Variants in VSTM2A observed in about 807,000 individuals in gnomAD.
The protein encoded by VSTM2A is V-set and transmembrane domain containing 2A, also known as V-set and transmembrane domain-containing protein 2A.
A neutral mutation model predicts 27.3 loss-of-function variants in VSTM2A; 13 were observed. The observed-to-expected ratio is 0.48, with a 90% CI of 0.31 to 0.76. VSTM2A has a LOEUF of 0.76. VSTM2A is among the 30% of genes least tolerant of loss of function. VSTM2A has a pLI of 0.05. For missense variants in VSTM2A, 280 were observed against 310.0 expected (o/e 0.90, Z 0.73); for synonymous variants, 142 against 125.7 (o/e 1.13, Z -0.87).
In VSTM2A at chr7:54,544,484, G is replaced by A. The variant is rs1787877477; in HGVS notation, c.80-138G>A. The stretch of plus-strand genomic sequence containing the variant: ...AAGAGGCAAAGGAAGGGGGCTGGGG[G>A]AACCAGACGAAGCCGAGGATGTAAG... On this transcript the variant is annotated intron_variant, in intron 1 of 4. Transcript: ENST00000402613. 2.3e-5 allele frequency: 24 copies of A among 1,046,636 alleles called. No individual in the cohort carries two copies. In the Middle Eastern group the frequency reaches 6.0e-4, roughly 26 times the overall value. The allele number at this position is 1,046,636 out of a possible 1,614,324, so 64.8% of individuals were successfully genotyped here.
intron 4 of VSTM2A, among the ~76,000 whole-genome samples, chr7:54,568,227 G>T (rs1788782188): frequency 6.6e-6 from 1 of 152,138 alleles, no homozygotes; most frequent in African/African-American, 2.4e-5. Flanking sequence ...ATCATTGTCA[G>T]TGTGGACCCA....
chr7:54,558,429 T>G (rs992203774), intron 4 of VSTM2A: 2 of 152,192 alleles, frequency 1.3e-5, no homozygotes, highest in African/African-American at 4.8e-5. Context: ...GCTTAAAGTC[T>G]TATGTATAAA....
intron 4 of VSTM2A, chr7:54,554,068 C>T: frequency 6.4e-7 from 1 of 1,551,992 alleles, no homozygotes; most frequent in Non-Finnish European, 8.7e-7. Flanking sequence ...GTGCTGGCTC[C>T]TCCAGGTAAA....
At chr7:54,558,141 A>G (rs1006145789) in intron 4 of VSTM2A, 9 of 152,266 alleles carry the variant, frequency 5.9e-5, no homozygotes, top group Non-Finnish European at 1.0e-4. Flanking sequence ...TTCTAAAGCC[A>G]TAATTATACA....
chr7:54,569,121 C>A lies in VSTM2A; in HGVS notation c.635-10C>A. On this transcript the variant is annotated splice_polypyrimidine_tract_variant and intron_variant, in intron 4 of 4. Coordinates refer to ENST00000402613, the MANE Select transcript of VSTM2A (RefSeq NM_001301009.2). ...TGACTTTTTTCCAATATCACTTTCT[C>A]TTCTTAAAGCAAAGAGCAAATCGCC... is the stretch of plus-strand genomic sequence containing the variant. 6.3e-7 allele frequency: 1 copy of A among 1,576,076 alleles called. No homozygotes were observed. The highest frequency in any genetic ancestry group is 2.3e-5 in the East Asian group (1 of 43,712).
At chr7:54,553,818 C>T in intron 4 of VSTM2A, 2 of 1,549,434 alleles carry the variant, frequency 1.3e-6, no homozygotes, top group Non-Finnish European at 1.7e-6. Flanking sequence ...CCCCCAAATA[C>T]CCCAATATAC....
intron 4 of VSTM2A, among the ~76,000 whole-genome samples, chr7:54,554,283 A>G (rs1788283540): frequency 6.6e-6 from 1 of 151,504 alleles, no homozygotes; most frequent in East Asian, 2.0e-4. Context: ...TCTCTCCTTT[A>G]TTGGCCTCCT....
intron 4 of VSTM2A, among the ~76,000 whole-genome samples, chr7:54,562,456 C>T (rs1412669456): frequency 6.6e-6 from 1 of 152,088 alleles, no homozygotes; most frequent in Non-Finnish European, 1.5e-5. Context: ...TCTATAGAAA[C>T]ATTCAAAGAG....
intron 4 of VSTM2A, chr7:54,552,032 T>G (rs2115831790): frequency 1.3e-5 from 2 of 152,330 alleles, no homozygotes; most frequent in South Asian, 4.1e-4. Context: ...CTCTTAGCGC[T>G]GTGATTAGTG....
At chr7:54,564,276 A>G (rs1395051010) in intron 4 of VSTM2A, among the ~76,000 whole-genome samples, 1 of 152,182 alleles carries the variant, frequency 6.6e-6, no homozygotes, top group Non-Finnish European at 1.5e-5. Flanking sequence ...CAGACCATGC[A>G]GCCACAGTGG....
chr7:54,566,384 T>C (rs1788724903), intron 4 of VSTM2A, among the ~76,000 whole-genome samples: 1 of 151,968 alleles, frequency 6.6e-6, no homozygotes, highest in Admixed American at 6.6e-5. Context: ...TTGCTTTTAA[T>C]GAGCTAATAG....
intron 4 of VSTM2A, among the ~76,000 whole-genome samples, chr7:54,568,227 G>A (rs1788782188): frequency 6.6e-6 from 1 of 152,138 alleles, no homozygotes; most frequent in Non-Finnish European, 1.5e-5. Context: ...ATCATTGTCA[G>A]TGTGGACCCA....
In VSTM2A at chr7:54,550,024, C is replaced by T. The variant is rs745558856; in HGVS notation, c.488C>T (p.Ser163Leu). ...HARRMQAFEA[S>L]PMWLQDMKPR... ...CGCAGAATGCAGGCCTTCGAAGCCT[C>T]GCCCATGTGGCTGCAGGATATGAAG... is the stretch of plus-strand genomic sequence containing the variant. The change falls in exon 4 of 5, where the codon TCG (serine) becomes TTG (leucine). Residue 163 changes from serine to leucine, a missense_variant. By Grantham distance (145) the Ser-to-Leu change is moderately radical (BLOSUM62 -2). Coordinates refer to ENST00000402613, the MANE Select transcript of VSTM2A (RefSeq NM_001301009.2). 29 of 1,611,330 alleles carry T rather than the reference C, an allele frequency of 1.8e-5. No individual in the cohort carries two copies. Among genetic ancestry groups the T allele is most frequent in the Middle Eastern group, 1.7e-4 (1 of 6,060 alleles).
chr7:54,561,233 C>T (rs573512030), intron 4 of VSTM2A, among the ~76,000 whole-genome samples: 19 of 152,272 alleles, frequency 1.2e-4, no homozygotes, highest in African/African-American at 4.1e-4. Flanking sequence ...GGTGTCATTG[C>T]AGCACCTAGC....
intron 4 of VSTM2A, chr7:54,551,282 A>G (rs1445189113): frequency 2.6e-5 from 4 of 152,148 alleles, no homozygotes; most frequent in Non-Finnish European, 4.4e-5. Context: ...GCTTGTGAAC[A>G]ATGCTTTTAA....
intron 4 of VSTM2A, among the ~76,000 whole-genome samples, chr7:54,565,690 C>T (rs929314583): frequency 6.6e-6 from 1 of 152,224 alleles, no homozygotes; most frequent in Non-Finnish European, 1.5e-5. Context: ...GGAGGGGCAG[C>T]CTCACACCAT....
rs1390291875 is a variant in VSTM2A at position 54,546,521 on chromosome 7, CCACCCCTGGCGCCCGCCCGCCT to C, written c.247-411_247-390del. Among the ~76,000 whole-genome samples the C allele has an allele frequency of 1.3e-4, 19 of 150,554 alleles. No homozygotes were observed. In the East Asian group the frequency reaches 2.6e-3, roughly 20 times the overall value. On this transcript the variant is annotated intron_variant, in intron 2 of 4. Coordinates refer to ENST00000402613, the MANE Select transcript of VSTM2A (RefSeq NM_001301009.2). ...TTCACCTTCACTCACGCCGGCCGCCCCACCCCTGGCGCCCGCCCGCCTCACCCCTGGCGCCCCCCCGCCTGCC... is the reference window on the plus strand; with the variant it reads ...TTCACCTTCACTCACGCCGGCCGCCCCACCCCTGGCGCCCCCCCGCCTGCC...
chr7:54,563,477 G>A (rs2115918709), intron 4 of VSTM2A, among the ~76,000 whole-genome samples: 1 of 152,322 alleles, frequency 6.6e-6, no homozygotes, highest in South Asian at 2.1e-4. Context: ...GAATGGGTGT[G>A]CTACCATGAA....
intron 4 of VSTM2A, among the ~76,000 whole-genome samples, chr7:54,555,249 G>T (rs919956676): frequency 4.6e-5 from 7 of 152,162 alleles, no homozygotes; most frequent in Admixed American, 2.6e-4. Flanking sequence ...ATTCCAAAAA[G>T]AATTTCTTGT....
Sources: allele counts gnomAD v4.1 joint callset (sites outside exome capture counted in the v4.1 genomes callset), GRCh38; gene constraint gnomAD v4.1.1; transcripts MANE v1.5; gene names NCBI Gene and HGNC (gene_info 2026-07-23, HGNC 2026-07-21).